The following PDZD2 variants were observed in gnomAD, a reference collection of about 807,000 sequenced individuals.
PDZD2 encodes PDZ domain containing 2.
In PDZD2, 90 loss-of-function variants were observed where a neutral mutation model predicts 220.7. That is an observed-to-expected ratio of 0.41 (90% CI 0.34 to 0.49). PDZD2 has a LOEUF of 0.49. Ranked by LOEUF, PDZD2 falls within the 20% of genes least tolerant of loss-of-function variation. The probability of loss-of-function intolerance (pLI) is 0.28; values close to 1 mark genes in which losing one functional copy is unlikely to be tolerated. For synonymous variants in PDZD2, 1,375 were observed against 1,450.5 expected, an observed-to-expected ratio of 0.95 and a Z score of 1.18; for missense variants, 3,174 against 3,608.5, an observed-to-expected ratio of 0.88 and a Z score of 3.08.
intron 1 of PDZD2, among the ~76,000 whole-genome samples, chr5:31,682,205 C>G (rs926685536): frequency 6.6e-6 from 1 of 152,112 alleles, no homozygotes; most frequent in Non-Finnish European, 1.5e-5. Context: ...AGGGGGAGAG[C>G]TACTACACAA....
At chr5:31,695,238 C>A (rs10472195) in intron 1 of PDZD2, among the ~76,000 whole-genome samples, 1 of 152,036 alleles carries the variant, frequency 6.6e-6, no homozygotes, top group African/African-American at 2.4e-5. Flanking sequence ...TTCAGAGAAA[C>A]ATTTTGGTCT....
rs556089119 is a variant in PDZD2, at chr5:31,884,199, C to T, written c.476+84475C>T. The stretch of plus-strand genomic sequence containing the variant: ...TTGCACTCCAGCTTGGGCAACAGAG[C>T]GAGACTCCATCTCAAAAATAACTGC... On this transcript the variant is annotated intron_variant, in intron 2 of 24. Transcript: ENST00000438447. Among the ~76,000 whole-genome samples, 29 of 146,602 alleles carry T rather than the reference C, an allele frequency of 2.0e-4. No individual in the cohort carries two copies. In the South Asian group the frequency reaches 5.0e-3, roughly 25 times the overall value.
At chr5:32,092,609 G>A (rs1040708836) in intron 20 of PDZD2, among the ~76,000 whole-genome samples, 3 of 152,200 alleles carry the variant, frequency 2.0e-5, no homozygotes, top group African/African-American at 4.8e-5. Flanking sequence ...CATATGTATT[G>A]AATATTTTAA....
At position 31,762,880 on chromosome 5, in the gene PDZD2, G is replaced by A. The variant is rs139516208; in HGVS notation, c.-360-36009G>A. On this transcript the variant is annotated intron_variant, in intron 1 of 24. Transcript: ENST00000438447. The stretch of plus-strand genomic sequence containing the variant: ...CTTCCCCTGTGGAGTGCTGCCTTCC[G>A]CTGTTTCAACTTGGCCTGACATTTA... Among the ~76,000 whole-genome samples the A allele has an allele frequency of 5.3e-4, 80 of 152,196 alleles. 1 individual carries two copies. In the East Asian group the frequency reaches 0.011, roughly 21 times the overall value.
At chr5:31,763,540 G>A (rs1449398777) in intron 1 of PDZD2, among the ~76,000 whole-genome samples, 3 of 152,198 alleles carry the variant, frequency 2.0e-5, no homozygotes, top group Non-Finnish European at 2.9e-5. Flanking sequence ...TTTGAATGAT[G>A]CGTATGTGTT....
At chr5:31,755,914 G>T (rs548884324) in intron 1 of PDZD2, among the ~76,000 whole-genome samples, 2 of 152,158 alleles carry the variant, frequency 1.3e-5, no homozygotes, top group African/African-American at 2.4e-5. Flanking sequence ...CGTGGCCTTG[G>T]CAATAGACAA....
At chr5:31,658,435 G>T (rs1245285135) in intron 1 of PDZD2, among the ~76,000 whole-genome samples, 1 of 152,068 alleles carries the variant, frequency 6.6e-6, no homozygotes, top group Non-Finnish European at 1.5e-5. Context: ...GCTCAGGAGC[G>T]TGTCTCCTCT....
chr5:31,748,444 C>A (rs910563280), intron 1 of PDZD2, among the ~76,000 whole-genome samples: 1 of 152,208 alleles, frequency 6.6e-6, no homozygotes, highest in African/African-American at 2.4e-5. Flanking sequence ...GTTTCAGAGA[C>A]AATATCCCCC....
At chr5:32,012,062 C>T (rs1442093376) in intron 6 of PDZD2, among the ~76,000 whole-genome samples, 2 of 152,168 alleles carry the variant, frequency 1.3e-5, no homozygotes, top group Non-Finnish European at 2.9e-5. Context: ...TCAGCTCCAG[C>T]ACAGCTCCAG....
intron 21 of PDZD2, among the ~76,000 whole-genome samples, chr5:32,096,723 C>CA (rs1266687191): frequency 6.6e-6 from 1 of 152,096 alleles, no homozygotes; most frequent in African/African-American, 2.4e-5. Flanking sequence ...TGCCTCTTGC[C>CA]ACTGACGCTT....
rs147284404 is a variant in PDZD2, at chr5:31,835,387, C to T, written c.476+35663C>T. Among the ~76,000 whole-genome samples, 57 of 152,210 alleles carry T rather than the reference C, an allele frequency of 3.7e-4. No individual in the cohort carries two copies. The East Asian group carries it at 8.7e-3, about 23-fold the overall frequency. On this transcript the variant is annotated intron_variant, in intron 2 of 24. Transcript: ENST00000438447. ...GTAATCTCAGCACTTGGGAGGCCGA[C>T]GCAGGTGAATCACTTGAGGTCAGGA...
intron 2 of PDZD2, among the ~76,000 whole-genome samples, chr5:31,846,045 C>T (rs1334468117): frequency 6.6e-6 from 1 of 152,230 alleles, no homozygotes; most frequent in African/African-American, 2.4e-5. Flanking sequence ...TTCTCCGGTT[C>T]CATGAACTGT....
intron 1 of PDZD2, among the ~76,000 whole-genome samples, chr5:31,748,755 C>T (rs1311406356): frequency 6.6e-6 from 1 of 152,226 alleles, no homozygotes; most frequent in African/African-American, 2.4e-5. Context: ...AGTTTGAAAC[C>T]AAAGACTCGG....
At chr5:31,676,597 C>T (rs1746433705) in intron 1 of PDZD2, among the ~76,000 whole-genome samples, 1 of 145,090 alleles carries the variant, frequency 6.9e-6, no homozygotes, top group Admixed American at 7.0e-5. Context: ...GACAGAGTCT[C>T]GCTCTGTCAC....
chr5:31,697,755 A>G (rs1390240253), intron 1 of PDZD2, among the ~76,000 whole-genome samples: 1 of 152,158 alleles, frequency 6.6e-6, no homozygotes, highest in African/African-American at 2.4e-5. Context: ...TACTGTGCTC[A>G]GTAATACAAC....
In PDZD2 at chr5:32,073,962, C is replaced by T. The variant is rs541676010; in HGVS notation, c.2856C>T (p.Leu952=). 13 of 1,614,178 alleles carry T rather than the reference C, an allele frequency of 8.1e-6. No individual in the cohort carries two copies. The African/African-American group carries it at 1.3e-4, about 17-fold the overall frequency. ...GTCTCCCCGGAAGCCCACAGGCCCTCCGAAACCCTCTCCTCCGCCAGAGGA... is the reference window on the plus strand; with the variant it reads ...GTCTCCCCGGAAGCCCACAGGCCCTTCGAAACCCTCTCCTCCGCCAGAGGA... The part of the protein sequence containing the change: ...QASLPGSPQA[L]RNPLLRQRKV... The change falls in exon 18 of 25, where the codon CTC becomes CTT. Residue 952 remains leucine (L), a synonymous_variant. Transcript: ENST00000438447.
At chr5:31,863,289 C>T (rs545834294) in intron 2 of PDZD2, among the ~76,000 whole-genome samples, 7 of 152,254 alleles carry the variant, frequency 4.6e-5, no homozygotes, top group East Asian at 3.9e-4. Flanking sequence ...TGCCAGCAGC[C>T]GAACTCAGCA....
At chr5:31,944,742 C>T (rs990367865) in intron 2 of PDZD2, among the ~76,000 whole-genome samples, 4 of 152,028 alleles carry the variant, frequency 2.6e-5, no homozygotes, top group African/African-American at 7.2e-5. Context: ...AGCGTGTGCA[C>T]GTGTGTCCCC....
At chr5:32,102,622 G>A (rs752167295) in intron 24 of PDZD2, among the ~76,000 whole-genome samples, 2 of 151,960 alleles carry the variant, frequency 1.3e-5, no homozygotes, top group Non-Finnish European at 2.9e-5. Flanking sequence ...GTGGCAACTC[G>A]ACTATAAGAG....
Sources: gnomAD v4.1 joint callset for allele counts (sites outside exome capture counted in the v4.1 genomes callset) on GRCh38, gnomAD v4.1.1 for gene constraint, MANE v1.5 for transcripts, NCBI Gene and HGNC (gene_info 2026-07-23, HGNC 2026-07-21) for gene names.